The following TMPRSS15 variants were observed in gnomAD, a reference collection of about 807,000 sequenced individuals.
TMPRSS15 encodes the protein transmembrane serine protease 15.
A neutral mutation model predicts 125.3 loss-of-function variants in TMPRSS15; 128 were observed. That is an observed-to-expected ratio of 1.02 (90% confidence interval 0.89 to 1.18). The LOEUF (loss-of-function observed/expected upper bound fraction) is 1.18, where lower values mean the gene tolerates loss of function less well. Ranked by LOEUF, TMPRSS15 falls within the 50% of genes most tolerant of loss-of-function variation. The pLI, the probability that TMPRSS15 is intolerant of heterozygous loss-of-function variation, is 0.00. For synonymous variants in TMPRSS15, 446 were observed against 423.2 expected, an observed-to-expected ratio of 1.05 and a Z score of -0.66; for missense variants, 1,283 against 1,212.7, an observed-to-expected ratio of 1.06 and a Z score of -0.86.
chr21:18,454,093 C>G (rs947445839), intron 1 of TMPRSS15, among the ~76,000 whole-genome samples: 8 of 152,186 alleles, frequency 5.3e-5, no homozygotes, highest in African/African-American at 1.9e-4. Context: ...AAAATTTAAA[C>G]TTTAATTTTA....
At chr21:18,439,906 T>A (rs888058445) in intron 1 of TMPRSS15, among the ~76,000 whole-genome samples, 17 of 152,128 alleles carry the variant, frequency 1.1e-4, no homozygotes, top group Non-Finnish European at 2.5e-4. Flanking sequence ...GCAGAGATCT[T>A]AGATAATGAC....
At chr21:18,294,742 T>C in intron 19 of TMPRSS15, 90 bp from the exon 20 acceptor site, 3 of 1,131,428 alleles carry the variant, frequency 2.7e-6, no homozygotes, top group Non-Finnish European at 4.0e-6. Context: ...TTTGCTTTAG[T>C]AAAATGGACA....
rs1414593397 is a variant in TMPRSS15, at chr21:18,278,494, C to T, written c.2764+470G>A. 4.6e-5 allele frequency among the ~76,000 whole-genome samples: 7 copies of T among 152,066 alleles called. No individual in the cohort carries two copies. The South Asian group carries it at 1.2e-3, about 27-fold the overall frequency. ...CAGCACTTTGGGAGGCTAAGGCAGG[C>T]GGATCACGAGGTCAGGAGATCGAGA... On this transcript the variant is annotated intron_variant, in intron 23 of 24. Coordinates refer to ENST00000284885, the MANE Select transcript of TMPRSS15 (RefSeq NM_002772.3).
intron 12 of TMPRSS15, 70 bp downstream of exon 12, chr21:18,343,436 G>A (rs1404308706): frequency 1.0e-5 from 14 of 1,366,434 alleles, no homozygotes; most frequent in Non-Finnish European, 1.4e-5. Flanking sequence ...TTTTTTCACT[G>A]TATCATTCTA....
intron 21 of TMPRSS15, among the ~76,000 whole-genome samples, chr21:18,289,190 A>G (rs150846836): frequency 1.5e-3 from 224 of 152,306 alleles, no homozygotes; most frequent in African/African-American, 5.0e-3. Context: ...TTTATTAGTT[A>G]TATCAGTTTA....
intron 1 of TMPRSS15, among the ~76,000 whole-genome samples, chr21:18,470,972 G>A (rs945967765): frequency 3.3e-5 from 4 of 121,630 alleles, no homozygotes; most frequent in East Asian, 3.5e-4. Flanking sequence ...CACAAGATAC[G>A]TAAAAATTAG....
chr21:18,301,166 G>T (rs931252134), intron 18 of TMPRSS15, among the ~76,000 whole-genome samples: 2 of 152,084 alleles, frequency 1.3e-5, no homozygotes, highest in African/African-American at 4.8e-5. Flanking sequence ...CATAAGAGTA[G>T]GGTATAGGGC....
intron 1 of TMPRSS15, among the ~76,000 whole-genome samples, chr21:18,411,324 G>C (rs916225697): frequency 7.9e-5 from 12 of 151,914 alleles, no homozygotes; most frequent in Non-Finnish European, 1.8e-4. Context: ...GGTATTCTTA[G>C]GCATTTTGTT....
At chr21:18,398,131 G>A in intron 2 of TMPRSS15, 68 bp downstream of exon 2, 1 of 1,559,718 alleles carries the variant, frequency 6.4e-7, no homozygotes, top group South Asian at 1.1e-5. Context: ...TTCACAGTGA[G>A]AAAATGGTGT....
At chr21:18,353,685 T>C in intron 9 of TMPRSS15, 38 bp downstream of exon 9, 1 of 1,578,542 alleles carries the variant, frequency 6.3e-7, no homozygotes, top group Non-Finnish European at 8.7e-7. Flanking sequence ...CATTAAAGCA[T>C]CTAAAAATTA....
At chr21:18,288,782 CG>C (rs2074798219) in intron 21 of TMPRSS15, among the ~76,000 whole-genome samples, 2 of 151,434 alleles carry the variant, frequency 1.3e-5, no homozygotes, top group African/African-American at 4.9e-5. Context: ...AGCTCAGGCC[CG>C]CCTCGGCCTC....
intron 18 of TMPRSS15, among the ~76,000 whole-genome samples, chr21:18,312,200 T>C (rs1385308457): frequency 6.6e-6 from 1 of 152,076 alleles, no homozygotes; most frequent in Non-Finnish European, 1.5e-5. Context: ...AAAATAAGTA[T>C]GTTATTACTG....
At chr21:18,438,041 G>A (rs1030940639) in intron 1 of TMPRSS15, among the ~76,000 whole-genome samples, 2 of 151,476 alleles carry the variant, frequency 1.3e-5, no homozygotes, top group Admixed American at 6.6e-5. Context: ...GTTTACTGAG[G>A]CACTATTCAC....
At chr21:18,391,269 C>T (rs1000278334) in intron 3 of TMPRSS15, among the ~76,000 whole-genome samples, 2 of 152,228 alleles carry the variant, frequency 1.3e-5, no homozygotes, top group African/African-American at 4.8e-5. Context: ...AGTCCAAAGT[C>T]TCATCTGAGA....
At chr21:18,324,934 A>C (rs1281472448) in intron 16 of TMPRSS15, among the ~76,000 whole-genome samples, 1 of 152,210 alleles carries the variant, frequency 6.6e-6, no homozygotes, top group Non-Finnish European at 1.5e-5. Context: ...GCAAACAAAC[A>C]TGGTTATAGT....
At position 18,329,154 on chromosome 21, in the gene TMPRSS15, A is replaced by C. The variant is rs367594675; in HGVS notation, c.1780+15T>G. 2 of 1,611,878 alleles carry C rather than the reference A, an allele frequency of 1.2e-6. No individual in the cohort carries two copies. Among genetic ancestry groups the C allele is most frequent in the African/African-American group, 2.7e-5 (2 of 74,994 alleles). On this transcript the variant is annotated intron_variant, in intron 15 of 24. Coordinates refer to ENST00000284885, the MANE Select transcript of TMPRSS15 (RefSeq NM_002772.3). ...GAGCTTTACAACCTTTACAATATTCAGATTGCAGACTTACCTAAGAGCAAG... is the reference window on the plus strand; with the variant it reads ...GAGCTTTACAACCTTTACAATATTCCGATTGCAGACTTACCTAAGAGCAAG...
At chr21:18,271,372 A>AGCG (rs1243558385) in intron 24 of TMPRSS15, among the ~76,000 whole-genome samples, 1 of 152,208 alleles carries the variant, frequency 6.6e-6, no homozygotes, top group East Asian at 1.9e-4. Flanking sequence ...TTCTAAAACA[A>AGCG]TTTAATTTTT....
At chr21:18,445,168 C>T (rs774249314) in intron 1 of TMPRSS15, among the ~76,000 whole-genome samples, 1 of 150,708 alleles carries the variant, frequency 6.6e-6, no homozygotes, top group Admixed American at 6.6e-5. Context: ...ATATATACCC[C>T]ATTTAAAAAA....
chr21:18,315,249 G>C lies in TMPRSS15; in HGVS notation c.1929C>G (p.Cys643Trp). The change falls in exon 17 of 25, where the codon TGC becomes TGG. Residue 643 changes from cysteine (C) to tryptophan (W), a missense_variant. Transcript: ENST00000284885. ...TTTTACATTGAAAATGGTCTGCCTTGCATGGCTCTATGGGGAAAGAATGTT... is the reference window on the plus strand; with the variant it reads ...TTTTACATTGAAAATGGTCTGCCTTCCATGGCTCTATGGGGAAAGAATGTT... ...TGYHLGIPEP[C>W]KADHFQCKNG... 1.2e-6 allele frequency: 2 copies of C among 1,611,958 alleles called. No individual in the cohort carries two copies. The highest frequency in any genetic ancestry group is 1.7e-6 in the Non-Finnish European group (2 of 1,178,668).
Sources: gnomAD v4.1 joint callset for allele counts (sites outside exome capture counted in the v4.1 genomes callset) on GRCh38, gnomAD v4.1.1 for gene constraint, MANE v1.5 for transcripts, NCBI Gene and HGNC (gene_info 2026-07-23, HGNC 2026-07-21) for gene names.